The following GABRG3 variants were observed in gnomAD, a reference collection of about 807,000 sequenced individuals.
The protein encoded by GABRG3 is gamma-aminobutyric acid receptor subunit gamma-3.
GABRG3 carries 25 observed loss-of-function variants against 48.8 expected under a neutral mutation model. The ratio of observed to expected loss-of-function variants is 0.51; its 90% CI spans 0.37 to 0.72. The LOEUF is 0.72. GABRG3 is among the 30% of genes least tolerant of loss of function. GABRG3 has a pLI of 0.00. For missense variants in GABRG3, 394 were observed against 577.9 expected (o/e 0.68, Z 3.26); for synonymous variants, 227 against 217.6 (o/e 1.04, Z -0.38).
chr15:27,296,652 T>A (rs886192018), intron 3 of GABRG3, among the ~76,000 whole-genome samples: 3 of 152,160 alleles, frequency 2.0e-5, no homozygotes, highest in African/African-American at 7.2e-5. Context: ...GTCATTGTAA[T>A]GTTGTAGCTC....
chr15:27,473,695 A>G (rs1003426717), intron 5 of GABRG3, among the ~76,000 whole-genome samples: 7 of 152,342 alleles, frequency 4.6e-5, no homozygotes, highest in Middle Eastern at 6.8e-3. Flanking sequence ...GATGAAATGT[A>G]TCAGGTTTCC....
intron 5 of GABRG3, among the ~76,000 whole-genome samples, chr15:27,450,610 T>C (rs1400455385): frequency 6.6e-6 from 1 of 152,058 alleles, no homozygotes; most frequent in Non-Finnish European, 1.5e-5. Context: ...TTACACTCAA[T>C]GGTGAAAGGC....
At chr15:27,262,852 CAG>C (rs1413903643) in intron 3 of GABRG3, among the ~76,000 whole-genome samples, 2 of 152,302 alleles carry the variant, frequency 1.3e-5, no homozygotes, top group African/African-American at 2.4e-5. Flanking sequence ...TTTGAGATAA[CAG>C]AGAGTGCACT....
intron 5 of GABRG3, among the ~76,000 whole-genome samples, chr15:27,369,773 C>G (rs191408095): frequency 1.2e-4 from 17 of 138,724 alleles, no homozygotes; most frequent in Non-Finnish European, 1.5e-4. Flanking sequence ...CACCACTGCA[C>G]TCCAGCCTGG....
chr15:27,312,444 C>A (rs1595668903), intron 3 of GABRG3, among the ~76,000 whole-genome samples: 2 of 151,796 alleles, frequency 1.3e-5, no homozygotes, highest in South Asian at 4.2e-4. Flanking sequence ...TCCAGGAAAC[C>A]CAAATGACAA....
At chr15:27,431,621 G>T (rs1888456433) in intron 5 of GABRG3, among the ~76,000 whole-genome samples, 1 of 152,102 alleles carries the variant, frequency 6.6e-6, no homozygotes, top group Non-Finnish European at 1.5e-5. Flanking sequence ...ATTCCGTTTT[G>T]CACCATTCCA....
chr15:27,479,126 GA>G (rs557608942), intron 5 of GABRG3, among the ~76,000 whole-genome samples: 14,915 of 143,596 alleles, frequency 0.1, 1,215 homozygotes, highest in African/African-American at 0.23. Flanking sequence ...GAGAATATGT[GA>G]AAAAAAAAAA....
intron 2 of GABRG3, among the ~76,000 whole-genome samples, chr15:26,986,171 G>A (rs569205226): frequency 1.5e-3 from 226 of 152,238 alleles, no homozygotes; most frequent in African/African-American, 5.2e-3. Context: ...CAAATGACTT[G>A]TCATTTACCA....
intron 3 of GABRG3, among the ~76,000 whole-genome samples, chr15:27,058,815 T>G (rs903901666): frequency 2.0e-5 from 3 of 152,200 alleles, no homozygotes; most frequent in African/African-American, 4.8e-5. Context: ...TATAAAACTA[T>G]GCCATATCGT....
chr15:27,449,750 A>G (rs1449837616), intron 5 of GABRG3, among the ~76,000 whole-genome samples: 1 of 152,246 alleles, frequency 6.6e-6, no homozygotes, highest in Admixed American at 6.5e-5. Flanking sequence ...CTGACTCTAA[A>G]AATATTAAAA....
At chr15:27,275,049 A>T (rs368241508) in intron 3 of GABRG3, among the ~76,000 whole-genome samples, 22 of 152,158 alleles carry the variant, frequency 1.4e-4, no homozygotes, top group Admixed American at 1.1e-3. Context: ...AGCTGCAATA[A>T]CCTGAACTTG....
rs962560546 is a variant in GABRG3, at chr15:27,180,205, T to C, written c.271-146604T>C. Among the ~76,000 whole-genome samples the C allele has an allele frequency of 6.6e-6, 1 of 152,138 alleles. No individual in the cohort carries two copies. The highest frequency in any genetic ancestry group is 1.9e-4 in the East Asian group (1 of 5,188). On this transcript the variant is annotated intron_variant, in intron 3 of 9. Transcript: ENST00000615808. The surrounding 1 kb of genome is among the most constrained non-coding windows in gnomAD (Gnocchi z 4.2). ...GCCCATAATGAACACACACTTTTTC[T>C]GAAGGACCTTAGCACGGTCTAAATA... is the stretch of plus-strand genomic sequence containing the variant.
intron 2 of GABRG3, among the ~76,000 whole-genome samples, chr15:26,983,363 G>A (rs1305805590): frequency 1.3e-5 from 2 of 152,038 alleles, no homozygotes; most frequent in African/African-American, 2.4e-5. Flanking sequence ...CCACACTTGC[G>A]ATCTTCTGAT....
chr15:27,009,697 A>G (rs1895650258), intron 2 of GABRG3, among the ~76,000 whole-genome samples: 1 of 152,114 alleles, frequency 6.6e-6, no homozygotes, highest in Non-Finnish European at 1.5e-5. Flanking sequence ...TCATCAATCC[A>G]AATTTGGAGC....
At chr15:27,318,711 G>A (rs1402584714) in intron 3 of GABRG3, among the ~76,000 whole-genome samples, 1 of 152,180 alleles carries the variant, frequency 6.6e-6, no homozygotes, top group African/African-American at 2.4e-5. Context: ...GTTTCTAGCT[G>A]TGGATCCCAG....
intron 3 of GABRG3, among the ~76,000 whole-genome samples, chr15:27,199,611 A>G (rs953207999): frequency 5.3e-5 from 8 of 152,082 alleles, no homozygotes; most frequent in African/African-American, 1.4e-4. Context: ...GGTTAATTAG[A>G]AGAGCCTGGC....
chr15:27,081,466 A>G (rs902910206), intron 3 of GABRG3, among the ~76,000 whole-genome samples: 1 of 152,162 alleles, frequency 6.6e-6, no homozygotes, highest in Non-Finnish European at 1.5e-5. Flanking sequence ...ATTATTAAAT[A>G]TTCACTCATT....
intron 3 of GABRG3, among the ~76,000 whole-genome samples, chr15:27,304,827 G>C (rs1892339127): frequency 6.6e-6 from 1 of 151,860 alleles, no homozygotes; most frequent in Admixed American, 6.6e-5. Context: ...GACATCTTTA[G>C]GGACTATTAT....
chr15:27,440,401 A>G (rs1208086674), intron 5 of GABRG3, among the ~76,000 whole-genome samples: 1 of 152,222 alleles, frequency 6.6e-6, no homozygotes, highest in East Asian at 1.9e-4. Flanking sequence ...CAAGCTAGGC[A>G]TATTGGTGAA....
Sources: allele counts gnomAD v4.1 joint callset (sites outside exome capture counted in the v4.1 genomes callset), GRCh38; gene constraint gnomAD v4.1.1; non-coding constraint Gnocchi (gnomAD v3.1); transcripts MANE v1.5; gene names NCBI Gene and HGNC (gene_info 2026-07-23, HGNC 2026-07-21).